GALNT2: variants seen among roughly 807,000 people sequenced by gnomAD.
GALNT2 encodes the protein UDP-GalNAc:polypeptide N-acetylgalactosaminyltransferase 2.
In GALNT2, 31 loss-of-function variants were observed where a neutral mutation model predicts 81.4. That is an observed-to-expected ratio of 0.38 (90% confidence interval 0.29 to 0.51). The LOEUF is 0.51. GALNT2 is among the 20% of genes least tolerant of loss of function. GALNT2 has a pLI of 0.87. For missense variants in GALNT2, 629 were observed against 765.7 expected (o/e 0.82, Z 2.11); for synonymous variants, 303 against 287.4 (o/e 1.05, Z -0.55).
chr1:230,256,557 C>T (rs978182908), intron 11 of GALNT2, among the ~76,000 whole-genome samples: 1 of 152,036 alleles, frequency 6.6e-6, no homozygotes, highest in Non-Finnish European at 1.5e-5. Context: ...TAAAGTCAAG[C>T]TGTACTAATT....
chr1:230,143,310 G>T (rs1457403916), intron 1 of GALNT2, among the ~76,000 whole-genome samples: 1 of 152,218 alleles, frequency 6.6e-6, no homozygotes, highest in African/African-American at 2.4e-5. Context: ...TTCTCTGGAA[G>T]GTGTAGTTAG....
At chr1:230,253,835 C>T (rs1665623669) in intron 10 of GALNT2, among the ~76,000 whole-genome samples, 1 of 152,134 alleles carries the variant, frequency 6.6e-6, no homozygotes, top group African/African-American at 2.4e-5. Flanking sequence ...TCCTTCCTTC[C>T]CAGCCTTTAC....
intron 1 of GALNT2, among the ~76,000 whole-genome samples, chr1:230,060,949 C>T (rs1659032317): frequency 6.6e-6 from 1 of 152,058 alleles, no homozygotes; most frequent in African/African-American, 2.4e-5. Flanking sequence ...GCTCTTTCTG[C>T]CCTTCCTTAC....
rs183526183 is a variant in GALNT2 at position 230,196,332 on chromosome 1, A to G, written c.221-6805A>G. Among the ~76,000 whole-genome samples the G allele has an allele frequency of 4.1e-4, 62 of 152,274 alleles. No individual in the cohort carries two copies. The East Asian group carries it at 8.5e-3, about 21-fold the overall frequency. On this transcript the variant is annotated intron_variant, in intron 2 of 15. Coordinates refer to ENST00000366672, the MANE Select transcript of GALNT2 (RefSeq NM_004481.5). ...GGAACCTTGGCTTGGTTATGGAGCTATCCCATCTCCTCCTCACTTTTGGAT... is the reference window on the plus strand; with the variant it reads ...GGAACCTTGGCTTGGTTATGGAGCTGTCCCATCTCCTCCTCACTTTTGGAT...
Position 230,276,045 on chromosome 1 carries a change from A to G in GALNT2, c.1560+1481A>G, listed in dbSNP as rs576796796. Among the ~76,000 whole-genome samples the G allele has an allele frequency of 4.4e-3, 633 of 144,280 alleles. 24 individuals carry two copies. The highest frequency in any genetic ancestry group is 6.7e-3 in the Non-Finnish European group (448 of 67,026). The allele number at this position is 144,280 out of a possible 152,430, so 94.7% of individuals were successfully genotyped here. On this transcript the variant is annotated intron_variant, in intron 15 of 15. Transcript: ENST00000366672. Reference sequence around the variant, plus strand: ...ATGCCACATATATATACGTATATACATGCCACATATATATACGTATATATA... The same window carrying G: ...ATGCCACATATATATACGTATATACGTGCCACATATATATACGTATATATA...
chr1:230,266,373 A>G (rs973632867), intron 14 of GALNT2, among the ~76,000 whole-genome samples: 3 of 152,244 alleles, frequency 2.0e-5, no homozygotes, highest in Non-Finnish European at 4.4e-5. Context: ...ACCAAAGGGT[A>G]ATCCTGTGTG....
intron 1 of GALNT2, among the ~76,000 whole-genome samples, chr1:230,109,942 C>T (rs894734931): frequency 1.2e-4 from 18 of 152,156 alleles, no homozygotes; most frequent in Admixed American, 3.9e-4. Flanking sequence ...TCTTCTGGGA[C>T]GCGTAGGTCT....
chr1:230,066,996 C>T (rs1028088778), upstream of GALNT2, among the ~76,000 whole-genome samples: 4 of 148,794 alleles, frequency 2.7e-5, no homozygotes, highest in Non-Finnish European at 6.0e-5. Context: ...GCCCGCGCCC[C>T]GGCCCCCGCA....
At position 230,078,593 on chromosome 1, in the gene GALNT2, A is replaced by G. The variant is rs79506637; in HGVS notation, c.126+11187A>G. ...AGATCACGTTAGATCCTGACTTAGT[A>G]CCTGTATCACCAGGGAAGCATTCTT... On this transcript the variant is annotated intron_variant, in intron 1 of 15. Coordinates refer to ENST00000366672, the MANE Select transcript of GALNT2 (RefSeq NM_004481.5). Among the ~76,000 whole-genome samples, 1,043 of 152,258 alleles carry G rather than the reference A, an allele frequency of 6.9e-3. 7 individuals are homozygous for G. Among genetic ancestry groups the G allele is most frequent in the East Asian group, 0.026 (137 of 5,180 alleles).
chr1:230,208,156 TAGTA>T (rs751907683), intron 3 of GALNT2, among the ~76,000 whole-genome samples: 1 of 152,228 alleles, frequency 6.6e-6, no homozygotes, highest in Non-Finnish European at 1.5e-5. Context: ...TTCTTTTTTG[TAGTA>T]AGTGTTTGTT....
chr1:230,216,720 G>A (rs978257702), intron 3 of GALNT2, among the ~76,000 whole-genome samples: 9 of 152,074 alleles, frequency 5.9e-5, no homozygotes, highest in Admixed American at 1.3e-4. Context: ...GAGCCACCAT[G>A]CCTGGCCTGT....
chr1:230,066,933 A>T (rs541927864), upstream of GALNT2, among the ~76,000 whole-genome samples: 6 of 150,628 alleles, frequency 4.0e-5, no homozygotes, highest in East Asian at 1.2e-3. Flanking sequence ...CCAGGCCCTC[A>T]CGGCGGAGCC....
intron 3 of GALNT2, among the ~76,000 whole-genome samples, chr1:230,227,673 C>G (rs1222455323): frequency 1.3e-5 from 2 of 151,860 alleles, no homozygotes; most frequent in African/African-American, 4.8e-5. Flanking sequence ...AGCTGTAGGT[C>G]ATATTAATGG....
At chr1:230,115,589 A>T (rs987191006) in intron 1 of GALNT2, among the ~76,000 whole-genome samples, 1 of 152,206 alleles carries the variant, frequency 6.6e-6, no homozygotes, top group Non-Finnish European at 1.5e-5. Flanking sequence ...TTTTGCCCAG[A>T]TGTTGATGGC....
intron 2 of GALNT2, among the ~76,000 whole-genome samples, chr1:230,197,399 CAGG>C (rs888215142): frequency 6.6e-6 from 1 of 152,138 alleles, no homozygotes; most frequent in East Asian, 1.9e-4. Flanking sequence ...ATAAAGAAAG[CAGG>C]GATTCCCTCT....
At chr1:230,231,203 A>C (rs566525668) in intron 3 of GALNT2, among the ~76,000 whole-genome samples, 4 of 152,176 alleles carry the variant, frequency 2.6e-5, no homozygotes, top group African/African-American at 7.2e-5. Flanking sequence ...GCCAAATGCA[A>C]ATTATAAGCC....
chr1:230,267,798 A>G (rs1666074333), intron 14 of GALNT2, among the ~76,000 whole-genome samples: 1 of 152,064 alleles, frequency 6.6e-6, no homozygotes, highest in Non-Finnish European at 1.5e-5. Flanking sequence ...TGCCATCCCC[A>G]CCGTGTCCAT....
intron 15 of GALNT2, 50 bp downstream of exon 15, chr1:230,274,614 T>C (rs1666236955): frequency 6.2e-7 from 1 of 1,609,334 alleles, no homozygotes. Flanking sequence ...CAGACCAGGG[T>C]AGCCACGGCC....
intron 1 of GALNT2, among the ~76,000 whole-genome samples, chr1:230,093,275 A>T (rs771992036): frequency 6.6e-6 from 1 of 152,092 alleles, no homozygotes; most frequent in Non-Finnish European, 1.5e-5. Flanking sequence ...AATCTAGTGG[A>T]TATTAACTTA....
Sources: allele counts gnomAD v4.1 joint callset (sites outside exome capture counted in the v4.1 genomes callset), GRCh38; gene constraint gnomAD v4.1.1; transcripts MANE v1.5; gene names NCBI Gene and HGNC (gene_info 2026-07-23, HGNC 2026-07-21).